Variants in CTNNA3 observed in about 807,000 individuals in gnomAD.
CTNNA3 encodes the protein catenin alpha 3.
Under a neutral mutation model 95.7 loss-of-function variants are expected in CTNNA3, and 76 were observed. The observed-to-expected ratio is 0.79, with a 90% confidence interval of 0.66 to 0.96. The LOEUF (loss-of-function observed/expected upper bound fraction) is 0.96, where lower values mean the gene tolerates loss of function less well. CTNNA3 is among the 40% of genes least tolerant of loss of function. The probability of loss-of-function intolerance (pLI) is 0.00; values close to 1 mark genes in which losing one functional copy is unlikely to be tolerated. For missense variants in CTNNA3, 1,191 were observed against 1,089.8 expected (o/e 1.09, Z -1.31); for synonymous variants, 431 against 374.4 (o/e 1.15, Z -1.74).
intron 11 of CTNNA3, among the ~76,000 whole-genome samples, chr10:66,461,683 A>ATG (rs34739082): frequency 0.033 from 4,767 of 143,336 alleles, 324 homozygotes; most frequent in East Asian, 0.26. Flanking sequence ...TTATATATAT[A>ATG]TGTATATATA....
chr10:66,865,654 CAGA>C (rs1239932439), intron 7 of CTNNA3, among the ~76,000 whole-genome samples: 4 of 151,852 alleles, frequency 2.6e-5, no homozygotes, highest in Non-Finnish European at 4.4e-5. Context: ...GAAAAAATCA[CAGA>C]AGATGTATTC....
intron 12 of CTNNA3, among the ~76,000 whole-genome samples, chr10:66,281,848 A>G (rs2091497743): frequency 6.6e-6 from 1 of 151,832 alleles, no homozygotes; most frequent in East Asian, 1.9e-4. Flanking sequence ...GCCAAAATGT[A>G]TCACTTATAC....
At chr10:67,579,893 A>T (rs1842318064) in intron 3 of CTNNA3, among the ~76,000 whole-genome samples, 1 of 151,932 alleles carries the variant, frequency 6.6e-6, no homozygotes, top group African/African-American at 2.4e-5. Context: ...CCATTTTTTG[A>T]TGGGGTTGTT....
chr10:67,691,146 G>A (rs983581077), intron 1 of CTNNA3, among the ~76,000 whole-genome samples: 4 of 152,284 alleles, frequency 2.6e-5, no homozygotes, highest in African/African-American at 7.2e-5. Context: ...CACCAGCCTC[G>A]GCCTCCCAAG....
chr10:66,398,147 C>A (rs900279056), intron 11 of CTNNA3, among the ~76,000 whole-genome samples: 1 of 151,822 alleles, frequency 6.6e-6, no homozygotes, highest in African/African-American at 2.4e-5. Context: ...CTTTTCTTTG[C>A]ACATTTTAAG....
Position 66,331,338 on chromosome 10 carries a change from G to GCTTGTTTTTTTTTTTTT in CTNNA3, c.1732+47813_1732+47814insAAAAAAAAAAAAACAAG, listed in dbSNP as rs1417713676. ...TTAAATATGGACTCCTTTCCCCATT[G>GCTTGTTTTTTTTTTTTT]TTTGTTTTTTTTTTTTTTTTTTTTT... On this transcript the variant is annotated intron_variant, in intron 12 of 17. Transcript: ENST00000433211. 5.4e-4 allele frequency among the ~76,000 whole-genome samples: 21 copies of GCTTGTTTTTTTTTTTTT among 39,116 alleles called. 5 individuals carry two copies. The highest frequency in any genetic ancestry group is 7.2e-4 in the African/African-American group (10 of 13,984). The allele number at this position is 39,116 out of a possible 152,430, so 25.7% of individuals were successfully genotyped here.
chr10:67,740,694 C>G, intron 1 of CTNNA3, among the ~76,000 whole-genome samples: 1 of 151,418 alleles, frequency 6.6e-6, no homozygotes, highest in East Asian at 1.9e-4. Flanking sequence ...AATAGGAACA[C>G]TTTTACACTG....
intron 7 of CTNNA3, among the ~76,000 whole-genome samples, chr10:67,083,823 G>A (rs1857170328): frequency 6.6e-6 from 1 of 152,142 alleles, no homozygotes. Flanking sequence ...CTTTTTAAGA[G>A]TCTGATTTAC....
At chr10:67,105,309 G>C (rs544174493) in intron 7 of CTNNA3, among the ~76,000 whole-genome samples, 5 of 151,864 alleles carry the variant, frequency 3.3e-5, no homozygotes, top group South Asian at 4.2e-4. Context: ...ATTAGTCCAA[G>C]AACTATTTCT....
chr10:67,182,691 A>T (rs1033226796), intron 6 of CTNNA3, among the ~76,000 whole-genome samples: 2 of 152,220 alleles, frequency 1.3e-5, no homozygotes, highest in African/African-American at 4.8e-5. Context: ...GACAAATGGG[A>T]TCTAATTAAA....
chr10:66,515,810 A>G (rs556412421), intron 11 of CTNNA3, among the ~76,000 whole-genome samples: 1 of 152,142 alleles, frequency 6.6e-6, no homozygotes, highest in East Asian at 1.9e-4. Flanking sequence ...AGGATGGGGG[A>G]AACCACCCCT....
At chr10:66,867,585 G>A (rs368009085) in intron 7 of CTNNA3, among the ~76,000 whole-genome samples, 1 of 152,204 alleles carries the variant, frequency 6.6e-6, no homozygotes, top group East Asian at 1.9e-4. Flanking sequence ...AGAACATAAA[G>A]CACCTGACTC....
At chr10:67,108,831 T>C (rs1460090824) in intron 7 of CTNNA3, among the ~76,000 whole-genome samples, 1 of 152,118 alleles carries the variant, frequency 6.6e-6, no homozygotes, top group Non-Finnish European at 1.5e-5. Context: ...AGCTACTCAG[T>C]TTTTTCTAGT....
At chr10:67,687,157 T>C (rs1187279963) in intron 1 of CTNNA3, among the ~76,000 whole-genome samples, 1 of 152,128 alleles carries the variant, frequency 6.6e-6, no homozygotes, top group Non-Finnish European at 1.5e-5. Flanking sequence ...GAGAAGGCCA[T>C]GCCAGTGTCC....
intron 1 of CTNNA3, among the ~76,000 whole-genome samples, chr10:67,747,340 C>T (rs1357618551): frequency 6.6e-6 from 1 of 152,176 alleles, no homozygotes; most frequent in South Asian, 2.1e-4. Context: ...TCACCGGACA[C>T]CTTATACAGG....
chr10:66,851,595 TG>T (rs34044929), intron 7 of CTNNA3, among the ~76,000 whole-genome samples: 40,055 of 149,484 alleles, frequency 0.27, 6,484 homozygotes, highest in Non-Finnish European at 0.38. Flanking sequence ...GCTGTTTAAG[TG>T]TGTGGCATCC....
intron 16 of CTNNA3, among the ~76,000 whole-genome samples, chr10:65,979,377 A>T (rs1322601885): frequency 6.6e-6 from 1 of 152,172 alleles, no homozygotes; most frequent in African/African-American, 2.4e-5. Context: ...TATGTAATAG[A>T]CCATAACTCA....
intron 11 of CTNNA3, among the ~76,000 whole-genome samples, chr10:66,461,134 C>G (rs1307661818): frequency 6.6e-6 from 1 of 152,100 alleles, no homozygotes; most frequent in Non-Finnish European, 1.5e-5. Flanking sequence ...AGGGAAGGAA[C>G]AAGAGAATAC....
intron 7 of CTNNA3, among the ~76,000 whole-genome samples, chr10:67,105,323 A>G (rs1858573966): frequency 6.6e-6 from 1 of 152,094 alleles, no homozygotes; most frequent in South Asian, 2.1e-4. Flanking sequence ...TATTTCTATT[A>G]TTTCTCTAGA....
Sources: gnomAD v4.1 joint callset for allele counts (sites outside exome capture counted in the v4.1 genomes callset) on GRCh38, gnomAD v4.1.1 for gene constraint, MANE v1.5 for transcripts, NCBI Gene and HGNC (gene_info 2026-07-23, HGNC 2026-07-21) for gene names.